The following ARHGAP42 variants were observed in gnomAD, a reference collection of about 807,000 sequenced individuals.
ARHGAP42 encodes Rho GTPase activating protein 42, also known as rho GTPase-activating protein 42.
A neutral mutation model predicts 125.0 loss-of-function variants in ARHGAP42; 63 were observed. The observed-to-expected ratio is 0.50, with a 90% confidence interval of 0.41 to 0.62. The LOEUF (loss-of-function observed/expected upper bound fraction) is 0.62. Among genes scored for constraint, ARHGAP42 ranks in the 20% least tolerant of loss-of-function variants. The pLI, the probability that ARHGAP42 is intolerant of heterozygous loss-of-function variation, is 0.00. For missense variants in ARHGAP42, 766 were observed against 1,024.2 expected, an observed-to-expected ratio of 0.75 and a Z score of 3.44; for synonymous variants, 339 against 351.0, an observed-to-expected ratio of 0.97 and a Z score of 0.38.
At chr11:100,837,684 T>TTTTTA (rs1260891771) in intron 3 of ARHGAP42, among the ~76,000 whole-genome samples, 1 of 138,410 alleles carries the variant, frequency 7.2e-6, no homozygotes, top group African/African-American at 2.7e-5. Flanking sequence ...TTTTTTTTTT[T>TTTTTA]TTTTTTTTTT....
At chr11:100,797,147 C>T (rs1565218038) in intron 3 of ARHGAP42, among the ~76,000 whole-genome samples, 1 of 152,110 alleles carries the variant, frequency 6.6e-6, no homozygotes, top group African/African-American at 2.4e-5. Context: ...GTGGTTGGTT[C>T]ATAAGGTTTA....
At chr11:100,779,572 GTA>G (rs1217628138) in intron 2 of ARHGAP42, among the ~76,000 whole-genome samples, 12 of 118,504 alleles carry the variant, frequency 1.0e-4, no homozygotes, top group Non-Finnish European at 2.2e-4. Flanking sequence ...GTATATATAC[GTA>G]TATATACATA....
intron 2 of ARHGAP42, among the ~76,000 whole-genome samples, chr11:100,773,453 T>A (rs909819470): frequency 6.6e-6 from 1 of 152,218 alleles, no homozygotes; most frequent in Non-Finnish European, 1.5e-5. Context: ...ATACATGAAT[T>A]TATGAAATAG....
intron 6 of ARHGAP42, among the ~76,000 whole-genome samples, chr11:100,929,161 C>G (rs1254302048): frequency 2.0e-5 from 3 of 152,090 alleles, no homozygotes; most frequent in South Asian, 2.1e-4. Context: ...TGAACCTGTT[C>G]CACTTCAGAT....
chr11:100,931,656 T>G (rs927273808), intron 6 of ARHGAP42, among the ~76,000 whole-genome samples: 2 of 152,178 alleles, frequency 1.3e-5, no homozygotes, highest in Non-Finnish European at 2.9e-5. Context: ...AAACAATACT[T>G]CCTTAGCAAC....
chr11:100,943,919 CTT>C, intron 10 of ARHGAP42, 51 bp downstream of exon 10: 1 of 1,187,968 alleles, frequency 8.4e-7, no homozygotes, highest in Admixed American at 2.4e-5. Context: ...AACGGTGTCT[CTT>C]TCTGTATTTA....
chr11:100,905,847 G>T (rs928008797), intron 4 of ARHGAP42, among the ~76,000 whole-genome samples: 1 of 152,058 alleles, frequency 6.6e-6, no homozygotes, highest in Non-Finnish European at 1.5e-5. Context: ...GAATGGTGGC[G>T]CATGACTGTG....
chr11:100,821,672 T>A (rs994559986), intron 3 of ARHGAP42, among the ~76,000 whole-genome samples: 2 of 151,900 alleles, frequency 1.3e-5, no homozygotes, highest in African/African-American at 4.8e-5. Flanking sequence ...GCAGCAGACA[T>A]CTTTCCTTCC....
chr11:100,749,623 C>T (rs1411505436), intron 1 of ARHGAP42, among the ~76,000 whole-genome samples: 1 of 152,196 alleles, frequency 6.6e-6, no homozygotes, highest in East Asian at 1.9e-4. Flanking sequence ...CTGGCTGCTC[C>T]CCCAAGGGAG....
At chr11:100,973,860 T>C (rs1466875487) in intron 18 of ARHGAP42, among the ~76,000 whole-genome samples, 1 of 152,202 alleles carries the variant, frequency 6.6e-6, no homozygotes, top group African/African-American at 2.4e-5. Context: ...CAATTTGTAA[T>C]CCTTTTATCT....
intron 21 of ARHGAP42, 61 bp from the exon 22 acceptor site, chr11:100,978,926 A>T: frequency 6.6e-7 from 1 of 1,508,388 alleles, no homozygotes; most frequent in Non-Finnish European, 9.0e-7. Context: ...CATGAATTTC[A>T]CTTTGAGCAG....
intron 1 of ARHGAP42, among the ~76,000 whole-genome samples, chr11:100,746,510 G>A (rs1446523750): frequency 6.6e-6 from 1 of 152,216 alleles, no homozygotes; most frequent in Non-Finnish European, 1.5e-5. Flanking sequence ...TTTAACGTGT[G>A]GACGGAATAT....
chr11:100,827,260 C>G (rs1039158795), intron 3 of ARHGAP42, among the ~76,000 whole-genome samples: 10 of 152,144 alleles, frequency 6.6e-5, no homozygotes, highest in African/African-American at 2.4e-4. Context: ...ATCTTAGCCT[C>G]TCAAAATGCT....
chr11:100,798,544 A>G (rs1863775956), intron 3 of ARHGAP42, among the ~76,000 whole-genome samples: 1 of 152,198 alleles, frequency 6.6e-6, no homozygotes. Flanking sequence ...TAAGGTATGT[A>G]CACCATTTTT....
intron 3 of ARHGAP42, among the ~76,000 whole-genome samples, chr11:100,842,484 C>T (rs1173952872): frequency 6.6e-6 from 1 of 152,024 alleles, no homozygotes; most frequent in Admixed American, 6.6e-5. Context: ...AATTAGCTTC[C>T]AGGGCCCAAG....
intron 4 of ARHGAP42, among the ~76,000 whole-genome samples, chr11:100,888,298 C>T (rs1026194185): frequency 1.3e-5 from 2 of 151,744 alleles, no homozygotes; most frequent in Non-Finnish European, 2.9e-5. Flanking sequence ...GTAAAAACTT[C>T]CACTACTTGT....
chr11:100,782,788 A>G (rs553228288), intron 2 of ARHGAP42, among the ~76,000 whole-genome samples: 4 of 151,990 alleles, frequency 2.6e-5, no homozygotes, highest in Non-Finnish European at 5.9e-5. Flanking sequence ...GATTTTTGGG[A>G]CTCGGAAATA....
chr11:100,762,950 C>A (rs187062538), intron 1 of ARHGAP42, among the ~76,000 whole-genome samples: 2 of 135,796 alleles, frequency 1.5e-5, no homozygotes, highest in African/African-American at 5.4e-5. Context: ...GTACCACGAG[C>A]TTTTCAGTAG....
intron 2 of ARHGAP42, among the ~76,000 whole-genome samples, chr11:100,772,676 T>A (rs1316548219): frequency 1.3e-5 from 2 of 152,216 alleles, no homozygotes; most frequent in Admixed American, 1.3e-4. Flanking sequence ...TTGCTTGTCA[T>A]TTCTTGACAT....
Sources: gnomAD v4.1 joint callset for allele counts (sites outside exome capture counted in the v4.1 genomes callset) on GRCh38, gnomAD v4.1.1 for gene constraint, MANE v1.5 for transcripts, NCBI Gene and HGNC (gene_info 2026-07-23, HGNC 2026-07-21) for gene names.